Variants in ABITRAM observed in about 807,000 individuals in gnomAD.
The protein encoded by ABITRAM is protein Abitram.
In ABITRAM, 19 loss-of-function variants were observed where a neutral mutation model predicts 22.9. That is an observed-to-expected ratio of 0.83 (90% CI 0.58 to 1.22). The LOEUF is 1.22. Among genes scored for constraint, ABITRAM ranks in the 50% most tolerant of loss-of-function variants. The pLI, the probability that ABITRAM is intolerant of heterozygous loss-of-function variation, is 0.00. For synonymous variants in ABITRAM, 70 were observed against 73.9 expected, an observed-to-expected ratio of 0.95 and a Z score of 0.27; for missense variants, 215 against 220.2, an observed-to-expected ratio of 0.98 and a Z score of 0.15.
At chr9:108,936,919 T>C (rs1830196321) in intron 3 of ABITRAM, among the ~76,000 whole-genome samples, 1 of 152,002 alleles carries the variant, frequency 6.6e-6, no homozygotes, top group African/African-American at 2.4e-5. Flanking sequence ...TCTCAGCATT[T>C]TGGGAGACCA....
Position 108,939,372 on chromosome 9 carries a change from AT to A in ABITRAM, c.339-6del. On this transcript the variant is annotated splice_polypyrimidine_tract_variant and intron_variant, in intron 4 of 5. Transcript: ENST00000322940. ...CTAAGTAAACATGCTGAAATCTTAA[AT>A]TTTTTTAATAGTTGTGTTAGAGGAC... The A allele has an allele frequency of 1.3e-6, 2 of 1,599,626 alleles. No individual in the cohort carries two copies. The highest frequency in any genetic ancestry group is 2.3e-5 in the South Asian group (2 of 87,632).
At chr9:108,945,360 T>G (rs941805902), downstream of ABITRAM, among the ~76,000 whole-genome samples, 11 of 152,348 alleles carry the variant, frequency 7.2e-5, no homozygotes, top group South Asian at 1.4e-3. Flanking sequence ...AAATGCTAAG[T>G]AAATCGCAGT....
At chr9:108,946,512 T>C (rs949966455) in intron 3 of ABITRAM, among the ~76,000 whole-genome samples, 1 of 152,210 alleles carries the variant, frequency 6.6e-6, no homozygotes, top group African/African-American at 2.4e-5. Flanking sequence ...TTACTGTCTC[T>C]ATTCAAACAC....
downstream of ABITRAM, among the ~76,000 whole-genome samples, chr9:108,944,395 A>G (rs1235089185): frequency 6.7e-6 from 1 of 150,020 alleles, no homozygotes; most frequent in East Asian, 2.0e-4. Context: ...GCATGAGGTC[A>G]AAAGGGTTAG....
chr9:108,937,364 A>C (rs1830202368), intron 3 of ABITRAM, among the ~76,000 whole-genome samples: 1 of 152,204 alleles, frequency 6.6e-6, no homozygotes, highest in Admixed American at 6.5e-5. Context: ...TATCATGCCA[A>C]GGAGAATTTA....
downstream of ABITRAM, among the ~76,000 whole-genome samples, chr9:108,945,647 TG>T (rs1830381990): frequency 4.7e-5 from 7 of 148,644 alleles, no homozygotes; most frequent in East Asian, 2.0e-4. Flanking sequence ...TTTTTTGTTT[TG>T]TTTTTTTGTA....
At chr9:108,942,726 G>T, downstream of ABITRAM, 1 of 1,203,250 alleles carries the variant, frequency 8.3e-7, no homozygotes, top group Non-Finnish European at 1.2e-6. Flanking sequence ...AAAAATGTCA[G>T]CTTCATCACA....
At chr9:108,945,521 G>C (rs1830375337), downstream of ABITRAM, among the ~76,000 whole-genome samples, 1 of 149,752 alleles carries the variant, frequency 6.7e-6, no homozygotes, top group Non-Finnish European at 1.5e-5. Context: ...AAGTGAAGTG[G>C]TGTGATCACA....
At chr9:108,950,582 C>T in exon 4 of ABITRAM, 1 of 1,550,294 alleles carries the variant, frequency 6.5e-7, no homozygotes, top group African/African-American at 1.4e-5. Flanking sequence ...ACTGCATCTT[C>T]CCCACTCTTA....
At chr9:108,934,840 A>G (rs1332215674) in intron 1 of ABITRAM, among the ~76,000 whole-genome samples, 2 of 152,146 alleles carry the variant, frequency 1.3e-5, no homozygotes, top group Non-Finnish European at 2.9e-5. Context: ...GGAGGCCCCA[A>G]AGGTAGGCGG....
At chr9:108,942,045 T>C (rs550383872), downstream of ABITRAM, among the ~76,000 whole-genome samples, 3 of 152,334 alleles carry the variant, frequency 2.0e-5, no homozygotes, top group South Asian at 4.1e-4. Flanking sequence ...GTTCAAAATA[T>C]CTTTTAAGTC....
downstream of ABITRAM, among the ~76,000 whole-genome samples, chr9:108,945,788 T>C (rs565856043): frequency 3.3e-5 from 5 of 152,278 alleles, no homozygotes; most frequent in South Asian, 1.0e-3. Flanking sequence ...TTTTACTGTT[T>C]TGAATATTTT....
At chr9:108,950,561 C>G (rs1163005112) in exon 4 of ABITRAM, 1 of 1,550,434 alleles carries the variant, frequency 6.4e-7, no homozygotes, top group East Asian at 2.4e-5. Flanking sequence ...AATGATGCCT[C>G]TAAGCTTGGG....
chr9:108,950,742 C>G (rs1337432223), exon 4 of ABITRAM: 3 of 1,016,894 alleles, frequency 3.0e-6, no homozygotes, highest in Non-Finnish European at 4.2e-6. Flanking sequence ...CACATTAACC[C>G]TTTCTTTTCT....
downstream of ABITRAM, chr9:108,943,590 T>C: frequency 1.3e-6 from 1 of 783,214 alleles, no homozygotes; most frequent in South Asian, 2.0e-5. Context: ...AGACAAGGCA[T>C]GAAAAAAGGA....
At chr9:108,947,538 G>A (rs1284866173) in intron 3 of ABITRAM, among the ~76,000 whole-genome samples, 1 of 152,214 alleles carries the variant, frequency 6.6e-6, no homozygotes, top group African/African-American at 2.4e-5. Context: ...GAGGCAAACA[G>A]GCTAACATGG....
chr9:108,942,846 T>TA (rs760896228), downstream of ABITRAM: 6 of 1,613,510 alleles, frequency 3.7e-6, no homozygotes, highest in East Asian at 1.3e-4. Context: ...TGGAAAGAGT[T>TA]AAGACAATTA....
At chr9:108,948,527 A>G (rs1436264208) in intron 3 of ABITRAM, among the ~76,000 whole-genome samples, 2 of 152,188 alleles carry the variant, frequency 1.3e-5, no homozygotes, top group Admixed American at 6.5e-5. Context: ...ATTTTACTTC[A>G]TAAATTAAAT....
downstream of ABITRAM, among the ~76,000 whole-genome samples, chr9:108,944,838 T>C (rs1235829181): frequency 1.3e-5 from 2 of 152,198 alleles, no homozygotes; most frequent in Non-Finnish European, 2.9e-5. Flanking sequence ...GGTTAATTTT[T>C]ACCCTCTATT....
Sources: allele counts gnomAD v4.1 joint callset (sites outside exome capture counted in the v4.1 genomes callset), GRCh38; gene constraint gnomAD v4.1.1; transcripts MANE v1.5; gene names NCBI Gene and HGNC (gene_info 2026-07-23, HGNC 2026-07-21).